CKLF: variants seen among roughly 807,000 people sequenced by gnomAD.
CKLF encodes chemokine-like factor.
In CKLF, 16 loss-of-function variants were observed where a neutral mutation model predicts 12.9. The observed-to-expected ratio is 1.24, with a 90% confidence interval of 0.84 to 1.88. CKLF has a LOEUF of 1.88. Among genes scored for constraint, CKLF ranks in the 40% most tolerant of loss-of-function variants. The pLI is 0.00. For missense variants in CKLF, 172 were observed against 188.5 expected, an observed-to-expected ratio of 0.91 and a Z score of 0.51; for synonymous variants, 61 against 69.0, an observed-to-expected ratio of 0.88 and a Z score of 0.57.
chr16:66,558,360 G>C lies in CKLF; in HGVS notation c.237+12G>C. 4 of 1,588,940 alleles carry C rather than the reference G, an allele frequency of 2.5e-6. No homozygotes were observed. Among genetic ancestry groups the C allele is most frequent in the Non-Finnish European group, 2.6e-6 (3 of 1,173,868 alleles). Reference sequence around the variant, plus strand: ...TTTGGCCTTTGCTTGTAAGTGTTCAGTTTCATCCTTAAATTTTACTTTTTC... The same window carrying C: ...TTTGGCCTTTGCTTGTAAGTGTTCACTTTCATCCTTAAATTTTACTTTTTC... On this transcript the variant is annotated intron_variant, in intron 2 of 3. Coordinates refer to ENST00000264001, the MANE Select transcript of CKLF (RefSeq NM_016951.4).
Position 66,558,365 on chromosome 16 carries a change from A to T in CKLF, c.237+17A>T, listed in dbSNP as rs1567549824. 1.9e-6 allele frequency: 3 copies of T among 1,588,176 alleles called. No homozygotes were observed. The highest frequency in any genetic ancestry group is 2.6e-6 in the Non-Finnish European group (3 of 1,173,592). ...CCTTTGCTTGTAAGTGTTCAGTTTCATCCTTAAATTTTACTTTTTCCTACC... is the reference window on the plus strand; with the variant it reads ...CCTTTGCTTGTAAGTGTTCAGTTTCTTCCTTAAATTTTACTTTTTCCTACC... On this transcript the variant is annotated intron_variant, in intron 2 of 3. Coordinates refer to ENST00000264001, the MANE Select transcript of CKLF (RefSeq NM_016951.4).
At chr16:66,552,873 A>C (rs1415098163) in intron 1 of CKLF, 80 bp downstream of exon 1, 1 of 1,599,590 alleles carries the variant, frequency 6.3e-7, no homozygotes, top group East Asian at 2.2e-5. Flanking sequence ...GCAAAGCTGA[A>C]CGCCTGTTTG....
rs2011523186 is a variant in CKLF at position 66,558,199 on chromosome 16, G to A, written c.88G>A (p.Val30Met). The A allele has an allele frequency of 6.2e-7, 1 of 1,611,044 alleles. No individual in the cohort carries two copies. The highest frequency in any genetic ancestry group is 1.3e-5 in the African/African-American group (1 of 74,676). ...GGTTTTTTTCTTCTAGGCACTAACT[G>A]TGACATCTATGACCTTTTTTATCAT... is the stretch of plus-strand genomic sequence containing the variant. ...HVKMLRLALT[V>M]TSMTFFIIAQ... The change falls in exon 2 of 4, where the codon GTG becomes ATG. Residue 30 changes from valine to methionine, a missense_variant. By Grantham distance (21) the Val-to-Met change is conservative. Transcript: ENST00000264001.
At chr16:66,552,564 T>C (rs997802273), upstream of CKLF, 1 of 1,226,610 alleles carries the variant, frequency 8.2e-7, no homozygotes, top group Non-Finnish European at 1.2e-6. Context: ...GCCGTGCGCA[T>C]GCGCGCAAGA....
intron 3 of CKLF, among the ~76,000 whole-genome samples, chr16:66,564,760 G>A (rs1234364398): frequency 6.6e-6 from 1 of 152,182 alleles, no homozygotes; most frequent in East Asian, 1.9e-4. Context: ...GTGAGCCACC[G>A]CGCCCGGCCG....
intron 3 of CKLF, 33 bp downstream of exon 3, chr16:66,563,250 G>C (rs1160134474): frequency 1.2e-6 from 2 of 1,606,132 alleles, no homozygotes; most frequent in Non-Finnish European, 1.7e-6. Context: ...GCTTTCTTCA[G>C]GTTTTATCAG....
At chr16:66,554,099 G>A (rs2011310559) in intron 1 of CKLF, among the ~76,000 whole-genome samples, 1 of 152,182 alleles carries the variant, frequency 6.6e-6, no homozygotes. Flanking sequence ...CTGTGAGAAT[G>A]GTTAGTTTTT....
chr16:66,566,186 C>T (rs943300778), downstream of CKLF: 4 of 1,532,670 alleles, frequency 2.6e-6, no homozygotes, highest in Admixed American at 2.2e-5. This position sits in a 1 kb window ranked among gnomAD's most constrained non-coding sequence, Gnocchi z 4.9. Context: ...GCAGCGGGAT[C>T]GGGTTTTCCG....
chr16:66,552,574 A>C, upstream of CKLF: 2 of 1,347,294 alleles, frequency 1.5e-6, no homozygotes, highest in Non-Finnish European at 2.1e-6. Context: ...TGCGCGCAAG[A>C]GAGCGGGAAG....
Position 66,552,896 on chromosome 16 carries a change from G to T in CKLF, c.78+103G>T. On this transcript the variant is annotated intron_variant, in intron 1 of 3. Coordinates refer to ENST00000264001, the MANE Select transcript of CKLF (RefSeq NM_016951.4). ...GAACGCCTGTTTGCTTTTCAACCTC[G>T]CTTTGATCAAGATTGAAAGGCAAGG... 3 of 1,547,704 alleles carry T rather than the reference G, an allele frequency of 1.9e-6. No homozygotes were observed. In the South Asian group the frequency reaches 3.4e-5, roughly 17 times the overall value.
Position 66,565,870 on chromosome 16 carries a change from T to G in CKLF, c.334-16T>G, listed in dbSNP as rs2232728. 70,549 of 1,612,592 alleles carry G rather than the reference T, an allele frequency of 0.044. 3,249 individuals are homozygous for G. The highest frequency in any genetic ancestry group is 0.18 in the Admixed American group (10,876 of 59,976). ...GGGACCATGGTTAGGGCAGTGACAC[T>G]TGTCTTTCTTTCCAGGTGTTTGCAC... On this transcript the variant is annotated splice_polypyrimidine_tract_variant and intron_variant, in intron 3 of 3. Coordinates refer to ENST00000264001, the MANE Select transcript of CKLF (RefSeq NM_016951.4).
chr16:66,566,257 C>G (rs751534682), downstream of CKLF: 845 of 1,458,576 alleles, frequency 5.8e-4, 1 homozygote, highest in Admixed American at 1.3e-3. The surrounding 1 kb of genome is among the most constrained non-coding windows in gnomAD (Gnocchi z 4.9). Context: ...ATCTTTGAAT[C>G]TCTTTACTGC....
chr16:66,563,461 G>T (rs2011894648), intron 3 of CKLF, among the ~76,000 whole-genome samples: 1 of 152,128 alleles, frequency 6.6e-6, no homozygotes, highest in South Asian at 2.1e-4. Context: ...TTTCTTATAG[G>T]TACGTAGGGC....
chr16:66,566,122 C>T (rs1401737357), downstream of CKLF: 10 of 1,609,554 alleles, frequency 6.2e-6, no homozygotes, highest in East Asian at 2.2e-5. The surrounding 1 kb of genome is among the most constrained non-coding windows in gnomAD (Gnocchi z 4.9). Flanking sequence ...AAGAGATTTC[C>T]GAAGTCTGCA....
intron 2 of CKLF, among the ~76,000 whole-genome samples, chr16:66,561,465 C>T (rs967731001): frequency 2.0e-5 from 3 of 152,104 alleles, no homozygotes; most frequent in African/African-American, 7.2e-5. Context: ...ATTGGTGTTT[C>T]GGGGCAGGCA....
At chr16:66,559,782 A>G (rs2011597222) in intron 2 of CKLF, among the ~76,000 whole-genome samples, 1 of 152,226 alleles carries the variant, frequency 6.6e-6, no homozygotes, top group African/African-American at 2.4e-5. Context: ...CTTTACTGAT[A>G]TTGTATCTCT....
intron 3 of CKLF, among the ~76,000 whole-genome samples, chr16:66,565,005 T>C (rs978679066): frequency 6.6e-6 from 1 of 151,924 alleles, no homozygotes; most frequent in Non-Finnish European, 1.5e-5. Context: ...GGCAGTGGAA[T>C]TGCTGTTTGC....
intron 2 of CKLF, among the ~76,000 whole-genome samples, chr16:66,560,333 A>G (rs1348617678): frequency 6.6e-6 from 1 of 152,144 alleles, no homozygotes; most frequent in Non-Finnish European, 1.5e-5. Flanking sequence ...TGTGCTGTGG[A>G]CTTTAACCCA....
At chr16:66,558,446 A>T in intron 2 of CKLF, 98 bp downstream of exon 2, 5 of 1,485,132 alleles carry the variant, frequency 3.4e-6, no homozygotes, top group Non-Finnish European at 4.5e-6. Context: ...CTTTAAGGTA[A>T]TCTCTGTTAG....
Sources: gnomAD v4.1 joint callset for allele counts (sites outside exome capture counted in the v4.1 genomes callset) on GRCh38, gnomAD v4.1.1 for gene constraint, Gnocchi (gnomAD v3.1) non-coding constraint, MANE v1.5 for transcripts, NCBI Gene and HGNC (gene_info 2026-07-23, HGNC 2026-07-21) for gene names.